Variants in MYCBP2 observed in about 807,000 individuals in gnomAD.
MYCBP2 encodes MYC binding protein 2.
Under a neutral mutation model 525.3 loss-of-function variants are expected in MYCBP2, and 120 were observed. The ratio of observed to expected loss-of-function variants is 0.23; its 90% CI spans 0.20 to 0.27. The LOEUF is 0.27. MYCBP2 is among the 10% of genes least tolerant of loss of function. The probability of loss-of-function intolerance (pLI) is 1.00; values close to 1 mark genes in which losing one functional copy is unlikely to be tolerated. For synonymous variants in MYCBP2, 1,894 were observed against 1,955.8 expected, an observed-to-expected ratio of 0.97 and a Z score of 0.83; for missense variants, 4,149 against 5,657.1, an observed-to-expected ratio of 0.73 and a Z score of 8.55.
At chr13:77,299,293 G>A (rs1030150435) in intron 1 of MYCBP2, among the ~76,000 whole-genome samples, 2 of 152,158 alleles carry the variant, frequency 1.3e-5, no homozygotes, top group Middle Eastern at 3.4e-3. Context: ...ATGACTTTAC[G>A]TACATTTCTA....
rs182991407 is a variant in MYCBP2 at position 77,048,895 on chromosome 13, C to T, written c.13921+2102G>A. Among the ~76,000 whole-genome samples, 412 of 152,238 alleles carry T rather than the reference C, an allele frequency of 2.7e-3. 1 individual carries two copies. Among genetic ancestry groups the T allele is most frequent in the Middle Eastern group, 6.8e-3 (2 of 294 alleles). On this transcript the variant is annotated intron_variant, in intron 82 of 82. Transcript: ENST00000544440. ...TCATTGTTAACTTCCTTATTTTTAG[C>T]ATTCTTATTTCTGTTTTTTAACATA...
chr13:77,250,923 T>C (rs1266114769), intron 15 of MYCBP2, among the ~76,000 whole-genome samples: 1 of 152,146 alleles, frequency 6.6e-6, no homozygotes, highest in Non-Finnish European at 1.5e-5. Context: ...ATGGTTTAAA[T>C]GAATCAAATG....
intron 55 of MYCBP2, among the ~76,000 whole-genome samples, chr13:77,113,771 A>G (rs1291696730): frequency 1.3e-5 from 2 of 152,178 alleles, no homozygotes; most frequent in African/African-American, 4.8e-5. Context: ...GGCTCAGCTC[A>G]GTGAAGATAA....
At chr13:77,152,990 A>G (rs2056709844) in intron 46 of MYCBP2, among the ~76,000 whole-genome samples, 1 of 148,238 alleles carries the variant, frequency 6.7e-6, no homozygotes, top group South Asian at 2.2e-4. Flanking sequence ...GAGTGAACCC[A>G]GGAAGCGGAG....
intron 35 of MYCBP2, among the ~76,000 whole-genome samples, chr13:77,177,462 CT>C (rs1427304799): frequency 6.6e-6 from 1 of 151,760 alleles, no homozygotes; most frequent in Non-Finnish European, 1.5e-5. Context: ...CCACCCCAGC[CT>C]CCAGAGTAGC....
Position 77,097,663 on chromosome 13 carries a change from A to C in MYCBP2, c.9491T>G (p.Val3164Gly). The C allele has an allele frequency of 6.2e-7, 1 of 1,613,772 alleles. No homozygotes were observed. The highest frequency in any genetic ancestry group is 1.1e-5 in the South Asian group (1 of 91,068). Residue 3164 changes from valine to glycine, a missense_variant, in exon 56 of 83, where the codon GTG (valine) becomes GGG (glycine). By Grantham distance (109) the Val-to-Gly change is moderately radical. Transcript: ENST00000544440. ...SPLPLTLQHL[V>G]AFWEDISLAT... is the part of the protein sequence containing the mutation. The stretch of plus-strand genomic sequence containing the variant: ...CAAAGAGATGTCTTCCCAAAAAGCC[A>C]CTAAATGTTGTAAAGTTAAGGGAAG...
chr13:77,275,464 C>T (rs1453748389), intron 4 of MYCBP2, among the ~76,000 whole-genome samples: 1 of 152,140 alleles, frequency 6.6e-6, no homozygotes, highest in Non-Finnish European at 1.5e-5. Context: ...CACTTATAAT[C>T]GAATTCACTC....
At chr13:77,170,573 G>GT (rs1464803065) in intron 38 of MYCBP2, among the ~76,000 whole-genome samples, 1 of 150,716 alleles carries the variant, frequency 6.6e-6, no homozygotes, top group Non-Finnish European at 1.5e-5. Context: ...GGAGGTGGAG[G>GT]TAACTTTTTT....
At chr13:77,137,288 CCTTT>C (rs1371500502) in intron 52 of MYCBP2, among the ~76,000 whole-genome samples, 3 of 152,204 alleles carry the variant, frequency 2.0e-5, no homozygotes, top group Non-Finnish European at 4.4e-5. Flanking sequence ...TCTTGCTCTT[CCTTT>C]CTACTTTTGT....
At chr13:77,211,342 T>C (rs753867367) in intron 22 of MYCBP2, 22 bp from the exon 23 acceptor site, 3 of 1,212,272 alleles carry the variant, frequency 2.5e-6, no homozygotes, top group Admixed American at 7.1e-5. Flanking sequence ...AATATTTATA[T>C]ATAATTTTAA....
chr13:77,174,248 G>A, intron 37 of MYCBP2, 63 bp downstream of exon 37: 2 of 1,518,744 alleles, frequency 1.3e-6, no homozygotes, highest in East Asian at 4.5e-5. Context: ...ATTTTACCTG[G>A]TAGTAGACTG....
At chr13:77,108,929 G>A (rs983486699) in intron 55 of MYCBP2, among the ~76,000 whole-genome samples, 1 of 151,978 alleles carries the variant, frequency 6.6e-6, no homozygotes, top group Admixed American at 6.6e-5. Context: ...GGTCGACCTC[G>A]TGATTCACCC....
chr13:77,096,505 T>C (rs2046272399), intron 56 of MYCBP2, 24 bp from the exon 57 acceptor site: 2 of 1,611,232 alleles, frequency 1.2e-6, no homozygotes, highest in Admixed American at 3.3e-5. Flanking sequence ...CAAAAATAAA[T>C]ATTTAACACT....
intron 3 of MYCBP2, among the ~76,000 whole-genome samples, chr13:77,287,183 A>G (rs555825869): frequency 6.8e-4 from 92 of 134,586 alleles, no homozygotes; most frequent in South Asian, 5.1e-3. Flanking sequence ...CATTACGCCC[A>G]GCCAGTTTCT....
chr13:77,239,686 C>G (rs2068523427), intron 17 of MYCBP2, among the ~76,000 whole-genome samples: 1 of 152,170 alleles, frequency 6.6e-6, no homozygotes, highest in South Asian at 2.1e-4. Flanking sequence ...CAGTAGAGAT[C>G]TGAAGTGGGG....
At chr13:77,237,649 A>C (rs2068122975) in intron 17 of MYCBP2, among the ~76,000 whole-genome samples, 1 of 152,152 alleles carries the variant, frequency 6.6e-6, no homozygotes, top group South Asian at 2.1e-4. Flanking sequence ...ATTTGCAATA[A>C]AGCACAAAAA....
At chr13:77,113,998 C>T (rs2049291620) in intron 55 of MYCBP2, among the ~76,000 whole-genome samples, 2 of 152,244 alleles carry the variant, frequency 1.3e-5, no homozygotes, top group East Asian at 1.9e-4. Context: ...GCTTCATCCA[C>T]ATACCTTCAA....
rs2075150047 is a variant in MYCBP2, at chr13:77,273,530, A to C, written c.887T>G (p.Leu296Arg). The C allele has an allele frequency of 6.2e-7, 1 of 1,612,870 alleles. No homozygotes were observed. The highest frequency in any genetic ancestry group is 1.3e-5 in the African/African-American group (1 of 74,846). Residue 296 changes from leucine (L) to arginine (R), a missense_variant, in exon 5 of 83, where the codon CTT becomes CGT. This residue lies in a region of MYCBP2 where 413 missense variants were observed against 451.2 expected (regional missense o/e 0.92). Transcript: ENST00000544440. Reference protein sequence around the residue: ...VASWGETGRTLQAISAILTNN... With the variant: ...VASWGETGRTRQAISAILTNN... ...GGTGAGGATAGCAGAGATGGCCTGA[A>C]GTGTCCTTCCTGTTTCTCCCCAAGA...
intron 23 of MYCBP2, among the ~76,000 whole-genome samples, chr13:77,210,346 C>A (rs1282331532): frequency 2.0e-5 from 3 of 151,914 alleles, no homozygotes; most frequent in African/African-American, 7.3e-5. Flanking sequence ...GTGCCCGCCA[C>A]CACGCCCGGC....
Sources: gnomAD v4.1 joint callset for allele counts (sites outside exome capture counted in the v4.1 genomes callset) on GRCh38, gnomAD v4.1.1 for gene constraint, gnomAD v4.1.1 regional missense constraint, MANE v1.5 for transcripts, NCBI Gene and HGNC (gene_info 2026-07-23, HGNC 2026-07-21) for gene names.